The following SGCE variants were observed in gnomAD, a reference collection of about 807,000 sequenced individuals.
The protein encoded by SGCE is epsilon-sarcoglycan.
In SGCE, 26 loss-of-function variants were observed where a neutral mutation model predicts 57.8. That is an observed-to-expected ratio of 0.45 (90% CI 0.33 to 0.62). SGCE has a LOEUF of 0.62. Ranked by LOEUF, SGCE falls within the 20% of genes least tolerant of loss-of-function variation. The pLI is 0.02. For missense variants in SGCE, 468 were observed against 548.6 expected (o/e 0.85, Z 1.47); for synonymous variants, 183 against 189.5 (o/e 0.97, Z 0.28).
Position 94,629,837 on chromosome 7 carries a change from G to A in SGCE, c.114C>T (p.Tyr38=), listed in dbSNP as rs1017338597. Residue 38 remains tyrosine, a synonymous_variant, in exon 2 of 11, where the codon TAC becomes TAT. Transcript: ENST00000648936. ...CGGAGTGTACCTTGGAGAAAATACTGTACACTGAAAACAAAGAGGAAAGAT... is the reference window on the plus strand; with the variant it reads ...CGGAGTGTACCTTGGAGAAAATACTATACACTGAAAACAAAGAGGAAAGAT... ...ATTGTFLLTV[Y]SIFSKVHSDR... The A allele has an allele frequency of 6.2e-7, 1 of 1,610,302 alleles. No homozygotes were observed. The highest frequency in any genetic ancestry group is 8.5e-7 in the Non-Finnish European group (1 of 1,177,358).
At chr7:94,619,180 A>G (rs1802389516) in intron 4 of SGCE, 3 of 490,868 alleles carry the variant, frequency 6.1e-6, no homozygotes, top group Middle Eastern at 5.5e-4. Flanking sequence ...TCCAAGGCTC[A>G]TCAGAGGCTC....
At chr7:94,635,963 C>T (rs1217998014) in intron 1 of SGCE, among the ~76,000 whole-genome samples, 2 of 152,102 alleles carry the variant, frequency 1.3e-5, no homozygotes, top group African/African-American at 4.8e-5. Context: ...CATGCCTTGG[C>T]TGTGGAATCC....
chr7:94,587,979 C>A, intron 10 of SGCE: 8 of 1,413,470 alleles, frequency 5.7e-6, no homozygotes, highest in Non-Finnish European at 7.3e-6. Flanking sequence ...TTTAAAACTT[C>A]TCTTGCTTTT....
At chr7:94,627,203 G>A (rs1265392855) in intron 3 of SGCE, 1 of 151,950 alleles carries the variant, frequency 6.6e-6, no homozygotes, top group Non-Finnish European at 1.5e-5. Context: ...ACAGTACACA[G>A]CTGACTAAAA....
In SGCE at chr7:94,588,391, A is replaced by G. The variant is rs940875162; in HGVS notation, c.1297+298T>C. ...TCCAAGCTAAGAATCTTTCATACCA[A>G]GGGGAAGAATAGGGAACTTCACTGA... On this transcript the variant is annotated intron_variant, in intron 10 of 10. Transcript: ENST00000648936. 53 of 1,171,150 alleles carry G rather than the reference A, an allele frequency of 4.5e-5. No homozygotes were observed. In the African/African-American group the frequency reaches 6.9e-4, roughly 15 times the overall value. The allele number at this position is 1,171,150 out of a possible 1,614,324, so 72.5% of individuals were successfully genotyped here. A position where few individuals can be genotyped will look rare whatever the true frequency, so the allele number is the denominator to read the frequency against.
chr7:94,641,036 A>G (rs1185986255), intron 1 of SGCE: 1 of 152,308 alleles, frequency 6.6e-6, no homozygotes, highest in African/African-American at 2.4e-5. Flanking sequence ...GTTAATAAAT[A>G]CATTAACATA....
intron 10 of SGCE, chr7:94,588,462 A>G: frequency 7.4e-7 from 1 of 1,352,892 alleles, no homozygotes; most frequent in Non-Finnish European, 9.5e-7. Context: ...CAGGACCTCC[A>G]TGGATGCTTT....
At chr7:94,618,728 T>C in intron 5 of SGCE, 30 bp downstream of exon 5, 1 of 1,567,740 alleles carries the variant, frequency 6.4e-7, no homozygotes, top group Non-Finnish European at 8.8e-7. Flanking sequence ...AAAATCTATA[T>C]TTAAGGCAAT....
chr7:94,611,869 A>G (rs181067732), intron 5 of SGCE, among the ~76,000 whole-genome samples: 211 of 152,324 alleles, frequency 1.4e-3, no homozygotes, highest in Middle Eastern at 6.8e-3. Flanking sequence ...TAAAAAACCT[A>G]TTGTACCTTT....
At chr7:94,652,727 G>A (rs1206738199) in intron 1 of SGCE, among the ~76,000 whole-genome samples, 2 of 152,116 alleles carry the variant, frequency 1.3e-5, no homozygotes. Flanking sequence ...ATGGCAAACT[G>A]TTGTAAAAAT....
At chr7:94,653,677 T>C (rs909389663) in intron 1 of SGCE, among the ~76,000 whole-genome samples, 2 of 152,040 alleles carry the variant, frequency 1.3e-5, no homozygotes, top group Non-Finnish European at 2.9e-5. Context: ...ACAAAAAGGT[T>C]TTATCTAAAT....
In SGCE at chr7:94,628,309, G is replaced by A. The variant is rs1187045400; in HGVS notation, c.283C>T (p.Pro95Ser). 6.2e-7 allele frequency: 1 copy of A among 1,611,338 alleles called. No homozygotes were observed. Among genetic ancestry groups the A allele is most frequent in the African/African-American group, 1.3e-5 (1 of 74,718 alleles). The part of the protein sequence containing the change: ...ITFNTNLMGY[P>S]DRPGWLRYIQ... ...TATCGAAGCCATCCAGGTCGGTCTG[G>A]GTAACCCATTAAATTTGTATTAAAT... The change falls in exon 3 of 11, where the codon CCA becomes TCA. Residue 95 changes from proline (P) to serine (S), a missense_variant. Physicochemically the swap from Pro to Ser is moderately conservative, Grantham distance 74. Coordinates refer to ENST00000648936, the MANE Select transcript of SGCE (RefSeq NM_003919.3).
At chr7:94,626,580 A>C (rs1803750300) in intron 3 of SGCE, 1 of 152,026 alleles carries the variant, frequency 6.6e-6, no homozygotes, top group African/African-American at 2.4e-5. Context: ...ATGATCTCAC[A>C]GTTCACTGCT....
chr7:94,595,726 G>T (rs1212812577), intron 9 of SGCE, among the ~76,000 whole-genome samples: 1 of 152,080 alleles, frequency 6.6e-6, no homozygotes, highest in Non-Finnish European at 1.5e-5. Context: ...AGTTGAATTT[G>T]CATAAAGGAC....
In SGCE at chr7:94,636,354, C is replaced by A. The variant is rs78914025; in HGVS notation, c.110-6513G>T. Among the ~76,000 whole-genome samples the A allele has an allele frequency of 2.3e-3, 357 of 152,272 alleles. 1 individual carries two copies. The highest frequency in any genetic ancestry group is 4.2e-3 in the Non-Finnish European group (286 of 68,022). Reference sequence around the variant, plus strand: ...AAGAGACAGATCATAACATTATTTCCTACCTGCATATGGCCTCTGCCTCCT... The same window carrying A: ...AAGAGACAGATCATAACATTATTTCATACCTGCATATGGCCTCTGCCTCCT... On this transcript the variant is annotated intron_variant, in intron 1 of 10. Coordinates refer to ENST00000648936, the MANE Select transcript of SGCE (RefSeq NM_003919.3).
intron 3 of SGCE, chr7:94,625,125 C>T (rs1345524843): frequency 6.6e-6 from 1 of 151,656 alleles, no homozygotes; most frequent in Admixed American, 6.6e-5. Flanking sequence ...TTTTTGATTC[C>T]CCAATTTCTA....
intron 5 of SGCE, among the ~76,000 whole-genome samples, chr7:94,608,544 A>C (rs1046109877): frequency 1.3e-5 from 2 of 152,216 alleles, no homozygotes; most frequent in Admixed American, 1.3e-4. Context: ...ATTCTCAGCA[A>C]GTTAATTTGC....
chr7:94,620,267 CAG>C (rs1381050747), intron 4 of SGCE: 6 of 152,018 alleles, frequency 3.9e-5, no homozygotes, highest in Non-Finnish European at 1.5e-5. Flanking sequence ...GAATTTTCAA[CAG>C]AGTTTTCTAG....
intron 5 of SGCE, among the ~76,000 whole-genome samples, chr7:94,616,107 A>T (rs77954520): frequency 1.6e-4 from 25 of 151,878 alleles, no homozygotes; most frequent in African/African-American, 5.5e-4. Flanking sequence ...TGCAGAGATT[A>T]AAAAAAATGC....
Sources: allele counts gnomAD v4.1 joint callset (sites outside exome capture counted in the v4.1 genomes callset), GRCh38; gene constraint gnomAD v4.1.1; transcripts MANE v1.5; gene names NCBI Gene and HGNC (gene_info 2026-07-23, HGNC 2026-07-21).